Variants in KIAA1328 observed in about 807,000 individuals in gnomAD.
KIAA1328 encodes protein hinderin.
Under a neutral mutation model 68.1 loss-of-function variants are expected in KIAA1328, and 52 were observed. The observed-to-expected ratio is 0.76, with a 90% confidence interval of 0.61 to 0.96. KIAA1328 has a LOEUF of 0.96. Ranked by LOEUF, KIAA1328 falls within the 40% of genes least tolerant of loss-of-function variation. The pLI is 0.00. For synonymous variants in KIAA1328, 232 were observed against 239.4 expected, an observed-to-expected ratio of 0.97 and a Z score of 0.28; for missense variants, 641 against 677.6, an observed-to-expected ratio of 0.95 and a Z score of 0.60.
intron 9 of KIAA1328, among the ~76,000 whole-genome samples, chr18:37,190,160 G>A (rs2059878293): frequency 1.3e-5 from 2 of 152,156 alleles, no homozygotes; most frequent in Non-Finnish European, 1.5e-5. Flanking sequence ...GGATCTGTCT[G>A]GGTCTTTTTA....
intron 7 of KIAA1328, 91 bp downstream of exon 7, chr18:37,067,636 C>T: frequency 2.3e-6 from 3 of 1,307,392 alleles, no homozygotes; most frequent in Non-Finnish European, 3.0e-6. Flanking sequence ...TCTCAGCTCA[C>T]TGCAGCCTCC....
chr18:36,851,008 G>GTT (rs2047194357), intron 4 of KIAA1328, among the ~76,000 whole-genome samples: 1 of 152,052 alleles, frequency 6.6e-6, no homozygotes. Context: ...TAGTTTGAGT[G>GTT]TTTTTGTCAT....
At chr18:37,164,877 AGT>A (rs1391596905) in intron 8 of KIAA1328, among the ~76,000 whole-genome samples, 1 of 152,226 alleles carries the variant, frequency 6.6e-6, no homozygotes, top group Admixed American at 6.5e-5. Context: ...TTAAATGTAT[AGT>A]GTGATAAATT....
chr18:37,062,542 G>A (rs1372881775), intron 6 of KIAA1328, among the ~76,000 whole-genome samples: 2 of 151,232 alleles, frequency 1.3e-5, no homozygotes, highest in African/African-American at 4.9e-5. Flanking sequence ...TGCAAGCTCC[G>A]CCTCCTGGGT....
At chr18:36,953,407 TAGATAGATAGATAG>T (rs1201081806) in intron 5 of KIAA1328, among the ~76,000 whole-genome samples, 2 of 148,230 alleles carry the variant, frequency 1.3e-5, no homozygotes, top group Non-Finnish European at 3.0e-5. Flanking sequence ...GATAGATAGA[TAGATAGATAGATAG>T]AGATAGATAG....
chr18:36,881,477 A>G (rs1259758584), intron 4 of KIAA1328, among the ~76,000 whole-genome samples: 1 of 152,208 alleles, frequency 6.6e-6, no homozygotes, highest in East Asian at 1.9e-4. Context: ...GTCATTCCTT[A>G]GTAGGAATAA....
intron 6 of KIAA1328, among the ~76,000 whole-genome samples, chr18:36,975,941 C>T (rs2052454792): frequency 2.0e-5 from 3 of 152,030 alleles, no homozygotes; most frequent in Admixed American, 1.3e-4. Context: ...TTACAGTTTG[C>T]CATTATAGAA....
intron 9 of KIAA1328, among the ~76,000 whole-genome samples, chr18:37,202,771 G>A (rs1036249377): frequency 6.6e-6 from 1 of 152,004 alleles, no homozygotes; most frequent in Non-Finnish European, 1.5e-5. Context: ...ATGACTCAAG[G>A]TTAAACACCA....
At chr18:36,982,649 A>C (rs568091863) in intron 6 of KIAA1328, among the ~76,000 whole-genome samples, 93 of 152,198 alleles carry the variant, frequency 6.1e-4, no homozygotes, top group African/African-American at 2.2e-3. Flanking sequence ...GAAGTCTTTC[A>C]TAAAGAAGGA....
intron 7 of KIAA1328, among the ~76,000 whole-genome samples, chr18:37,095,448 G>C (rs560122374): frequency 6.6e-6 from 1 of 152,178 alleles, no homozygotes; most frequent in South Asian, 2.1e-4. Flanking sequence ...ATGTACATAT[G>C]TACAGAAATT....
chr18:37,062,736 T>A (rs567417170), intron 6 of KIAA1328, among the ~76,000 whole-genome samples: 11 of 152,302 alleles, frequency 7.2e-5, no homozygotes, highest in African/African-American at 2.6e-4. Context: ...ATTACAGGCG[T>A]GAGCCACCGC....
At position 37,224,688 on chromosome 18, in the gene KIAA1328, G is replaced by C; in HGVS notation, c.*2461G>C. The C allele has an allele frequency of 1.0e-6, 1 of 985,400 alleles. No homozygotes were observed. The highest frequency in any genetic ancestry group is 5.2e-4 in the Middle Eastern group (1 of 1,914). 61.0% of individuals were successfully genotyped at this position (985,400 alleles called of 1,614,324 possible). A position where few individuals can be genotyped will look rare whatever the true frequency, so the allele number is the denominator to read the frequency against. Reference sequence around the variant, plus strand: ...CCCAAGAGAAAGGATCTGGCACAAAGGAATCTGCCTTTCCTCCGTCTCAAG... The same window carrying C: ...CCCAAGAGAAAGGATCTGGCACAAACGAATCTGCCTTTCCTCCGTCTCAAG... On this transcript the variant is annotated 3_prime_UTR_variant, in exon 10 of 10. Transcript: ENST00000280020.
At chr18:36,935,523 A>G (rs901549730) in intron 5 of KIAA1328, among the ~76,000 whole-genome samples, 1 of 152,158 alleles carries the variant, frequency 6.6e-6, no homozygotes, top group Non-Finnish European at 1.5e-5. Flanking sequence ...CATATAGTTG[A>G]TGAGTGGGGA....
At chr18:37,103,125 T>A (rs1286139298) in intron 7 of KIAA1328, among the ~76,000 whole-genome samples, 1 of 152,158 alleles carries the variant, frequency 6.6e-6, no homozygotes, top group Non-Finnish European at 1.5e-5. Flanking sequence ...GCAATCCCTG[T>A]CAAAATATTA....
intron 4 of KIAA1328, among the ~76,000 whole-genome samples, chr18:36,853,165 C>T (rs2047269578): frequency 6.6e-6 from 1 of 152,016 alleles, no homozygotes; most frequent in Non-Finnish European, 1.5e-5. Context: ...TAACTTTCAA[C>T]CTTTGTGTCT....
intron 6 of KIAA1328, among the ~76,000 whole-genome samples, chr18:36,980,462 G>A (rs1276778680): frequency 6.6e-6 from 1 of 152,144 alleles, no homozygotes; most frequent in Non-Finnish European, 1.5e-5. Flanking sequence ...AATGTTCCAG[G>A]CCCAGTTTAC....
At chr18:37,165,741 A>T (rs1161233693) in intron 8 of KIAA1328, among the ~76,000 whole-genome samples, 1 of 151,292 alleles carries the variant, frequency 6.6e-6, no homozygotes, top group Non-Finnish European at 1.5e-5. Flanking sequence ...ACAGGCGCTC[A>T]CCACCACGCC....
chr18:36,834,866 C>A (rs1161964676), intron 2 of KIAA1328, among the ~76,000 whole-genome samples: 2 of 151,908 alleles, frequency 1.3e-5, no homozygotes, highest in African/African-American at 2.4e-5. Context: ...TTTACAGTAC[C>A]CTTTACAAAT....
intron 6 of KIAA1328, among the ~76,000 whole-genome samples, chr18:36,988,523 A>G (rs896995337): frequency 6.6e-6 from 1 of 152,214 alleles, no homozygotes; most frequent in Non-Finnish European, 1.5e-5. Context: ...TGTGTGAAAG[A>G]TTTTATAAGT....
Sources: allele counts gnomAD v4.1 joint callset (sites outside exome capture counted in the v4.1 genomes callset), GRCh38; gene constraint gnomAD v4.1.1; transcripts MANE v1.5; gene names NCBI Gene and HGNC (gene_info 2026-07-23, HGNC 2026-07-21).